The following MAN2A1 variants were observed in gnomAD, a reference collection of about 807,000 sequenced individuals.
The protein encoded by MAN2A1 is alpha-mannosidase 2.
A neutral mutation model predicts 142.6 loss-of-function variants in MAN2A1; 76 were observed. The ratio of observed to expected loss-of-function variants is 0.53; its 90% CI spans 0.44 to 0.65. MAN2A1 has a LOEUF of 0.65. MAN2A1 is among the 30% of genes least tolerant of loss of function. The probability of loss-of-function intolerance (pLI) is 0.00; values close to 1 mark genes in which losing one functional copy is unlikely to be tolerated. For synonymous variants in MAN2A1, 559 were observed against 473.2 expected (o/e 1.18, Z -2.35); for missense variants, 1,311 against 1,365.1 (o/e 0.96, Z 0.62).
At chr5:109,715,146 C>G (rs796166869) in intron 2 of MAN2A1, among the ~76,000 whole-genome samples, 1 of 151,998 alleles carries the variant, frequency 6.6e-6, no homozygotes, top group African/African-American at 2.4e-5. Context: ...CTAACACATC[C>G]TCCTGCCCAG....
chr5:109,833,458 A>C (rs988007562), intron 16 of MAN2A1, among the ~76,000 whole-genome samples: 12 of 152,168 alleles, frequency 7.9e-5, no homozygotes, highest in African/African-American at 2.7e-4. Context: ...ACTCGTGGTT[A>C]GGAGCTGGAG....
At chr5:109,729,292 A>G (rs1751832485) in intron 3 of MAN2A1, 50 bp from the exon 4 acceptor site, 4 of 1,212,044 alleles carry the variant, frequency 3.3e-6, no homozygotes, top group Non-Finnish European at 4.7e-6. Context: ...ACTGAGTTGA[A>G]ATCAGCCATA....
chr5:109,709,892 A>G (rs1751247614), intron 1 of MAN2A1, among the ~76,000 whole-genome samples: 1 of 152,150 alleles, frequency 6.6e-6, no homozygotes. Flanking sequence ...TGTTACTATA[A>G]GTATTCTTTG....
In MAN2A1 at chr5:109,868,739, T is replaced by A. The variant is rs1196117269; in HGVS notation, c.*1741T>A. ...TGTACCGTAAGTTTTCTTCCACATA[T>A]TTTGGGAAAAAACTAAAAAAAGAAA... On this transcript the variant is annotated 3_prime_UTR_variant, in exon 22 of 22. Coordinates refer to ENST00000261483, the MANE Select transcript of MAN2A1 (RefSeq NM_002372.4). 1 of 152,132 alleles carries A rather than the reference T, an allele frequency of 6.6e-6. No homozygotes were observed. Among genetic ancestry groups the A allele is most frequent in the Non-Finnish European group, 1.5e-5 (1 of 68,026 alleles). 9.4% of individuals were successfully genotyped at this position (152,132 alleles called of 1,614,324 possible). A position where few individuals can be genotyped will look rare whatever the true frequency, so the allele number is the denominator to read the frequency against.
Position 109,839,175 on chromosome 5 carries a change from G to A in MAN2A1, c.2567-3153G>A, listed in dbSNP as rs948238347. Among the ~76,000 whole-genome samples, 8 of 152,232 alleles carry A rather than the reference G, an allele frequency of 5.3e-5. No homozygotes were observed. The South Asian group carries it at 1.2e-3, about 24-fold the overall frequency. ...TATTACGTGAATACTATCATGCTTG[G>A]TGCTACATTTTGTGTTTTGGATGTT... is the stretch of plus-strand genomic sequence containing the variant. On this transcript the variant is annotated intron_variant, in intron 16 of 21. Transcript: ENST00000261483.
At chr5:109,707,874 G>C (rs1446740200) in intron 1 of MAN2A1, among the ~76,000 whole-genome samples, 1 of 152,124 alleles carries the variant, frequency 6.6e-6, no homozygotes. Flanking sequence ...GAGGACTGTA[G>C]GTGTCTTTTT....
intron 7 of MAN2A1, among the ~76,000 whole-genome samples, chr5:109,772,930 T>C (rs1582882453): frequency 6.6e-6 from 1 of 152,312 alleles, no homozygotes; most frequent in East Asian, 1.9e-4. Flanking sequence ...TATCATTCTT[T>C]GTCAAGTTCA....
At chr5:109,839,922 A>T (rs7711326) in intron 16 of MAN2A1, among the ~76,000 whole-genome samples, 105,601 of 151,466 alleles carry the variant, frequency 0.7, 37,977 homozygotes, top group East Asian at 0.91. Flanking sequence ...CTACACTAAC[A>T]GCATTTACAT....
intron 1 of MAN2A1, among the ~76,000 whole-genome samples, chr5:109,694,996 G>T (rs191006479): frequency 6.6e-6 from 1 of 152,258 alleles, no homozygotes; most frequent in African/African-American, 2.4e-5. Context: ...TGCTTTTTGG[G>T]AAGTGATGGA....
intron 16 of MAN2A1, among the ~76,000 whole-genome samples, chr5:109,834,212 A>T (rs764414658): frequency 6.6e-6 from 1 of 152,166 alleles, no homozygotes; most frequent in Non-Finnish European, 1.5e-5. Flanking sequence ...TGATTAGTTC[A>T]GCCAACTTCT....
intron 7 of MAN2A1, among the ~76,000 whole-genome samples, chr5:109,774,286 T>C (rs936797714): frequency 4.6e-5 from 7 of 152,168 alleles, no homozygotes; most frequent in African/African-American, 1.7e-4. Context: ...TTATTCCCTT[T>C]TGGTTTTGTT....
At chr5:109,818,152 A>T (rs1286447531) in intron 13 of MAN2A1, among the ~76,000 whole-genome samples, 3 of 151,990 alleles carry the variant, frequency 2.0e-5, no homozygotes, top group East Asian at 3.9e-4. Context: ...TATTATTATT[A>T]TTTTTGAGAC....
At chr5:109,835,601 TC>T (rs1315284477) in intron 16 of MAN2A1, among the ~76,000 whole-genome samples, 1 of 152,188 alleles carries the variant, frequency 6.6e-6, no homozygotes, top group Non-Finnish European at 1.5e-5. Flanking sequence ...TCCCTCTTGA[TC>T]TAATGAGTTG....
intron 1 of MAN2A1, 28 bp from the exon 2 acceptor site, chr5:109,713,492 A>G (rs1012812212): frequency 1.9e-6 from 3 of 1,562,982 alleles, no homozygotes; most frequent in East Asian, 4.5e-5. Flanking sequence ...AGTATTTCAT[A>G]TAGCTGCCTT....
At chr5:109,780,768 T>G (rs182396617) in intron 8 of MAN2A1, among the ~76,000 whole-genome samples, 29 of 152,258 alleles carry the variant, frequency 1.9e-4, no homozygotes, top group Admixed American at 9.2e-4. Context: ...CCGGTGTGTT[T>G]AAGCAGCCAG....
intron 6 of MAN2A1, among the ~76,000 whole-genome samples, chr5:109,769,372 C>G (rs1177089745): frequency 6.6e-6 from 1 of 152,130 alleles, no homozygotes; most frequent in Non-Finnish European, 1.5e-5. Context: ...TGAGCTTGTT[C>G]ACGTGTTCGA....
intron 18 of MAN2A1, among the ~76,000 whole-genome samples, chr5:109,846,535 A>C (rs1018894627): frequency 6.6e-6 from 1 of 152,160 alleles, no homozygotes; most frequent in African/African-American, 2.4e-5. Flanking sequence ...AAGTGAGAGA[A>C]AATAGTCAAT....
chr5:109,823,361 T>TG (rs1754677519), intron 15 of MAN2A1, among the ~76,000 whole-genome samples: 2 of 152,168 alleles, frequency 1.3e-5, no homozygotes, highest in Admixed American at 6.5e-5. Flanking sequence ...GCTGGGACCA[T>TG]GGTTATAATA....
chr5:109,824,625 T>C (rs975029922), intron 16 of MAN2A1, among the ~76,000 whole-genome samples: 2 of 152,184 alleles, frequency 1.3e-5, no homozygotes, highest in African/African-American at 4.8e-5. Context: ...GTTAGCTAAG[T>C]TGAACAAATT....
Sources: allele counts gnomAD v4.1 joint callset (sites outside exome capture counted in the v4.1 genomes callset), GRCh38; gene constraint gnomAD v4.1.1; transcripts MANE v1.5; gene names NCBI Gene and HGNC (gene_info 2026-07-23, HGNC 2026-07-21).